The following GRID1 variants were observed in gnomAD, a reference collection of about 807,000 sequenced individuals.
GRID1 encodes glutamate ionotropic receptor delta type subunit 1.
In GRID1, 28 loss-of-function variants were observed where a neutral mutation model predicts 98.0. The ratio of observed to expected loss-of-function variants is 0.29; its 90% CI spans 0.21 to 0.39. The LOEUF (loss-of-function observed/expected upper bound fraction) is 0.39. Among genes scored for constraint, GRID1 ranks in the 10% least tolerant of loss-of-function variants. The pLI, the probability that GRID1 is intolerant of heterozygous loss-of-function variation, is 1.00. For missense variants in GRID1, 1,111 were observed against 1,340.5 expected (o/e 0.83, Z 2.67); for synonymous variants, 553 against 538.5 (o/e 1.03, Z -0.37).
intron 4 of GRID1, among the ~76,000 whole-genome samples, chr10:86,036,457 C>T (rs908341694): frequency 6.6e-6 from 1 of 152,178 alleles, no homozygotes. Flanking sequence ...AGTTTTGGAA[C>T]GCAGCCGCAG....
chr10:85,901,013 A>G (rs1308023058), intron 5 of GRID1, among the ~76,000 whole-genome samples: 1 of 152,168 alleles, frequency 6.6e-6, no homozygotes, highest in Non-Finnish European at 1.5e-5. Flanking sequence ...TAAAGGATGC[A>G]TGAGACTTCA....
intron 4 of GRID1, among the ~76,000 whole-genome samples, chr10:86,078,803 G>C (rs540499079): frequency 3.9e-5 from 6 of 152,318 alleles, no homozygotes; most frequent in African/African-American, 1.4e-4. Flanking sequence ...TGGCCTTGCA[G>C]CTAAATCCCT....
intron 12 of GRID1, among the ~76,000 whole-genome samples, chr10:85,653,186 C>T (rs1341275911): frequency 6.6e-6 from 1 of 152,210 alleles, no homozygotes; most frequent in Non-Finnish European, 1.5e-5. Flanking sequence ...GCTGCAGGCC[C>T]TCTGAAGGCC....
intron 12 of GRID1, among the ~76,000 whole-genome samples, chr10:85,649,039 T>C (rs1843232678): frequency 6.6e-6 from 1 of 152,254 alleles, no homozygotes; most frequent in Non-Finnish European, 1.5e-5. Flanking sequence ...AGAGGATTGC[T>C]ATGAGGATTA....
chr10:85,771,281 T>C (rs1200814282), intron 8 of GRID1, among the ~76,000 whole-genome samples: 4 of 152,188 alleles, frequency 2.6e-5, no homozygotes, highest in African/African-American at 9.7e-5. Flanking sequence ...CTGAGAGATT[T>C]TGTCACCACG....
At chr10:85,737,982 C>A (rs575690395) in intron 8 of GRID1, among the ~76,000 whole-genome samples, 3 of 152,020 alleles carry the variant, frequency 2.0e-5, no homozygotes, top group South Asian at 2.1e-4. Flanking sequence ...TTTTAACAAT[C>A]TTAAAGGTCA....
chr10:86,253,227 A>G lies in GRID1; in HGVS notation c.236-46579T>C, dbSNP rs140225311. Among the ~76,000 whole-genome samples, 140 of 152,326 alleles carry G rather than the reference A, an allele frequency of 9.2e-4. 1 individual carries two copies. The highest frequency in any genetic ancestry group is 3.1e-3 in the African/African-American group (130 of 41,568). ...AAGATCAGCTCATCTGCATGTGGCC[A>G]TCTCCAAAAGCCGGGTTCCACATCC... is the stretch of plus-strand genomic sequence containing the variant. On this transcript the variant is annotated intron_variant, in intron 2 of 15. Coordinates refer to ENST00000327946, the MANE Select transcript of GRID1 (RefSeq NM_017551.3).
At chr10:86,225,288 CA>C (rs1846322562) in intron 2 of GRID1, among the ~76,000 whole-genome samples, 1 of 152,196 alleles carries the variant, frequency 6.6e-6, no homozygotes, top group Non-Finnish European at 1.5e-5. Context: ...TGCATTTCTC[CA>C]GCCATGACAC....
At chr10:86,288,771 G>A (rs957006296) in intron 2 of GRID1, among the ~76,000 whole-genome samples, 3 of 152,204 alleles carry the variant, frequency 2.0e-5, no homozygotes, top group Admixed American at 6.5e-5. Context: ...TCTTCAGTGT[G>A]CAGAGACGGC....
intron 2 of GRID1, among the ~76,000 whole-genome samples, chr10:86,258,129 G>A (rs1355178238): frequency 2.6e-5 from 4 of 151,986 alleles, no homozygotes; most frequent in Admixed American, 2.0e-4. Context: ...AATAGGTAAA[G>A]GAAATAAAAA....
At chr10:86,060,582 C>T (rs1281705853) in intron 4 of GRID1, among the ~76,000 whole-genome samples, 1 of 152,230 alleles carries the variant, frequency 6.6e-6, no homozygotes, top group East Asian at 1.9e-4. Context: ...ATCTGCCCCG[C>T]TCTAAAGCCC....
chr10:85,952,712 TTC>T (rs1842140320), intron 4 of GRID1, among the ~76,000 whole-genome samples: 1 of 152,030 alleles, frequency 6.6e-6, no homozygotes, highest in Admixed American at 6.6e-5. Flanking sequence ...ATTTCATGGG[TTC>T]TCTCTGGTAT....
At chr10:86,254,522 C>A (rs1241208459) in intron 2 of GRID1, among the ~76,000 whole-genome samples, 1 of 152,200 alleles carries the variant, frequency 6.6e-6, no homozygotes, top group African/African-American at 2.4e-5. Flanking sequence ...TGAGAACTAC[C>A]GTAGCTGCTC....
chr10:85,620,790 T>C (rs766586774), intron 13 of GRID1, among the ~76,000 whole-genome samples: 1 of 152,196 alleles, frequency 6.6e-6, no homozygotes, highest in East Asian at 1.9e-4. Context: ...CACACGCACA[T>C]ACATGTGTAA....
chr10:85,904,601 C>A (rs1264037427), intron 5 of GRID1, among the ~76,000 whole-genome samples: 2 of 151,946 alleles, frequency 1.3e-5, no homozygotes, highest in East Asian at 3.9e-4. Flanking sequence ...CAGATAATTA[C>A]CCTAAACAGT....
chr10:86,027,464 T>C (rs530716423), intron 4 of GRID1, among the ~76,000 whole-genome samples: 6 of 152,268 alleles, frequency 3.9e-5, no homozygotes, highest in Admixed American at 2.0e-4. Context: ...TTTCATTGTA[T>C]GGATATGCCA....
At chr10:86,262,229 A>G (rs1202836026) in intron 2 of GRID1, among the ~76,000 whole-genome samples, 2 of 152,258 alleles carry the variant, frequency 1.3e-5, no homozygotes, top group Non-Finnish European at 2.9e-5. Context: ...TGAGCCCAGG[A>G]AGCCAGGCAG....
chr10:86,135,867 C>A (rs1321396870), intron 4 of GRID1, among the ~76,000 whole-genome samples: 6 of 152,250 alleles, frequency 3.9e-5, no homozygotes. Context: ...CACTCACTCC[C>A]ATTTGGCTAG....
intron 2 of GRID1, among the ~76,000 whole-genome samples, chr10:86,317,096 T>C (rs1225447087): frequency 6.6e-6 from 1 of 152,182 alleles, no homozygotes; most frequent in Non-Finnish European, 1.5e-5. Flanking sequence ...GAGAGCTGCC[T>C]AGCTCCCCAC....
Sources: allele counts gnomAD v4.1 joint callset (sites outside exome capture counted in the v4.1 genomes callset), GRCh38; gene constraint gnomAD v4.1.1; transcripts MANE v1.5; gene names NCBI Gene and HGNC (gene_info 2026-07-23, HGNC 2026-07-21).